Variants in ASAP2 observed in about 807,000 individuals in gnomAD.
ASAP2 encodes the protein arf-GAP with SH3 domain, ANK repeat and PH domain-containing protein 2.
A neutral mutation model predicts 131.4 loss-of-function variants in ASAP2; 45 were observed. That is an observed-to-expected ratio of 0.34 (90% confidence interval 0.27 to 0.44). The LOEUF is 0.44. Ranked by LOEUF, ASAP2 falls within the 20% of genes least tolerant of loss-of-function variation. ASAP2 has a pLI of 1.00. For synonymous variants in ASAP2, 510 were observed against 503.0 expected, an observed-to-expected ratio of 1.01 and a Z score of -0.19; for missense variants, 1,011 against 1,297.0, an observed-to-expected ratio of 0.78 and a Z score of 3.39.
intron 8 of ASAP2, 108 bp from the exon 9 acceptor site, chr2:9,334,985 G>A: frequency 7.3e-7 from 1 of 1,365,582 alleles, no homozygotes; most frequent in East Asian, 2.4e-5. Flanking sequence ...GACCAGCGAG[G>A]GAGGCAGTTG....
intron 1 of ASAP2, among the ~76,000 whole-genome samples, chr2:9,243,354 C>T (rs962278331): frequency 6.6e-6 from 1 of 152,176 alleles, no homozygotes; most frequent in East Asian, 1.9e-4. Flanking sequence ...GTGATCCACC[C>T]ACCTCGGCCT....
intron 2 of ASAP2, among the ~76,000 whole-genome samples, chr2:9,286,358 A>G (rs1230306922): frequency 1.3e-5 from 2 of 152,056 alleles, no homozygotes; most frequent in Non-Finnish European, 2.9e-5. Context: ...AAACTGCACC[A>G]CTGCACTTCA....
chr2:9,397,740 ATATATATATATTTTTTTTTT>A (rs1676261905), intron 24 of ASAP2, among the ~76,000 whole-genome samples: 1 of 87,668 alleles, frequency 1.1e-5, no homozygotes, highest in African/African-American at 9.3e-5. Flanking sequence ...ATATATATAT[ATATATATATATTTTTTTTTT>A]TTTTTTTTTT....
chr2:9,266,202 A>C (rs1333873355), intron 1 of ASAP2, among the ~76,000 whole-genome samples: 2 of 138,920 alleles, frequency 1.4e-5, no homozygotes, highest in African/African-American at 5.6e-5. Flanking sequence ...GCTAGAGTTC[A>C]GTGGCACAGT....
Position 9,207,052 on chromosome 2 carries a change from G to A in ASAP2, c.-53G>A. 1.4e-6 allele frequency: 2 copies of A among 1,409,158 alleles called. No homozygotes were observed. The highest frequency in any genetic ancestry group is 1.9e-6 in the Non-Finnish European group (2 of 1,070,342). 87.3% of individuals were successfully genotyped at this position (1,409,158 alleles called of 1,614,324 possible). A position where few individuals can be genotyped will look rare whatever the true frequency, so the allele number is the denominator to read the frequency against. On this transcript the variant is annotated 5_prime_UTR_variant, in exon 1 of 28. Coordinates refer to ENST00000281419, the MANE Select transcript of ASAP2 (RefSeq NM_003887.3). This position sits in a 1 kb window ranked among gnomAD's most constrained non-coding sequence, Gnocchi z 4.1. ...GCGGCGGTCGGAGCCTGCTGCGGCA[G>A]TTGAGGCGGCGGCGCCCCTGCGGCT...
At chr2:9,310,265 A>G (rs2148457925) in intron 3 of ASAP2, among the ~76,000 whole-genome samples, 1 of 152,316 alleles carries the variant, frequency 6.6e-6, no homozygotes, top group South Asian at 2.1e-4. Context: ...AGTTTCTCAT[A>G]AATTGGGCAT....
chr2:9,361,974 C>CGTGTGTGTGTGTGTGTGTGTGT (rs70948815), intron 15 of ASAP2, among the ~76,000 whole-genome samples: 3 of 143,170 alleles, frequency 2.1e-5, no homozygotes, highest in Admixed American at 7.0e-5. Context: ...TCTTTCTCTG[C>CGTGTGTGTGTGTGTGTGTGTGT]GTGTGTGTGT....
intron 2 of ASAP2, among the ~76,000 whole-genome samples, chr2:9,283,863 G>C (rs1667290577): frequency 2.0e-5 from 3 of 152,144 alleles, no homozygotes; most frequent in Admixed American, 2.0e-4. Context: ...AATGCCATCA[G>C]GAGGGCCTCA....
chr2:9,351,280 T>C (rs1438108329), intron 12 of ASAP2, among the ~76,000 whole-genome samples: 1 of 152,222 alleles, frequency 6.6e-6, no homozygotes, highest in Non-Finnish European at 1.5e-5. Context: ...TGGGTGATGT[T>C]AGAAATGCTA....
chr2:9,290,538 G>C (rs2148361675), intron 2 of ASAP2, among the ~76,000 whole-genome samples: 1 of 152,314 alleles, frequency 6.6e-6, no homozygotes, highest in African/African-American at 2.4e-5. Context: ...CAGGCACAGA[G>C]CACTGTAACA....
chr2:9,321,335 T>G (rs918863291), intron 5 of ASAP2, among the ~76,000 whole-genome samples: 1 of 152,090 alleles, frequency 6.6e-6, no homozygotes, highest in Non-Finnish European at 1.5e-5. Flanking sequence ...ATACCCGAGG[T>G]TGCTTGGCCC....
chr2:9,331,575 C>G (rs1268763820), intron 7 of ASAP2, among the ~76,000 whole-genome samples: 1 of 152,132 alleles, frequency 6.6e-6, no homozygotes, highest in Non-Finnish European at 1.5e-5. Context: ...CAAGACCAGC[C>G]TGGCCAACAT....
chr2:9,323,318 A>C, intron 6 of ASAP2, 68 bp downstream of exon 6: 1 of 1,591,518 alleles, frequency 6.3e-7, no homozygotes, highest in South Asian at 1.1e-5. Flanking sequence ...CTGTGGGAGC[A>C]TCTCACCGGT....
chr2:9,338,004 G>A lies in ASAP2; in HGVS notation c.849+2825G>A, dbSNP rs371019520. ...AGATCCTATTTACACAGTTAAACTCGTTGGCACTGCTCATCTTTGGTTGAG... is the reference window on the plus strand; with the variant it reads ...AGATCCTATTTACACAGTTAAACTCATTGGCACTGCTCATCTTTGGTTGAG... On this transcript the variant is annotated intron_variant, in intron 9 of 27. Transcript: ENST00000281419. 6.4e-4 allele frequency among the ~76,000 whole-genome samples: 98 copies of A among 152,278 alleles called. 1 individual carries two copies. The South Asian group carries it at 0.019, about 30-fold the overall frequency.
At chr2:9,387,434 G>C (rs1266037295) in intron 21 of ASAP2, among the ~76,000 whole-genome samples, 1 of 152,194 alleles carries the variant, frequency 6.6e-6, no homozygotes, top group African/African-American at 2.4e-5. Context: ...AAAAACAGGT[G>C]GTAGTCCATA....
At chr2:9,354,688 G>A (rs1404040177) in intron 12 of ASAP2, among the ~76,000 whole-genome samples, 1 of 151,794 alleles carries the variant, frequency 6.6e-6, no homozygotes, top group Non-Finnish European at 1.5e-5. Flanking sequence ...CCATGGTGTT[G>A]TAGAAAGTGG....
chr2:9,354,602 C>T (rs1411043139), intron 12 of ASAP2, among the ~76,000 whole-genome samples: 4 of 149,400 alleles, frequency 2.7e-5, no homozygotes, highest in African/African-American at 1.0e-4. Context: ...TGCACGTTTG[C>T]ACCACTCCAC....
chr2:9,401,044 G>A (rs369556927), intron 26 of ASAP2, among the ~76,000 whole-genome samples: 83 of 152,146 alleles, frequency 5.5e-4, no homozygotes, highest in African/African-American at 1.6e-3. Flanking sequence ...ACCCTGCCCC[G>A]GCCGCTTCGT....
At chr2:9,316,073 C>A (rs1259364020) in intron 3 of ASAP2, among the ~76,000 whole-genome samples, 1 of 152,044 alleles carries the variant, frequency 6.6e-6, no homozygotes, top group East Asian at 1.9e-4. Flanking sequence ...AATCCCAGCA[C>A]TTTGAGAGGC....
Sources: allele counts gnomAD v4.1 joint callset (sites outside exome capture counted in the v4.1 genomes callset), GRCh38; gene constraint gnomAD v4.1.1; non-coding constraint Gnocchi (gnomAD v3.1); transcripts MANE v1.5; gene names NCBI Gene and HGNC (gene_info 2026-07-23, HGNC 2026-07-21).